The following TP53BP1 variants were observed in gnomAD, a reference collection of about 807,000 sequenced individuals.
TP53BP1 encodes the protein tumor protein p53 binding protein 1.
In TP53BP1, 61 loss-of-function variants were observed where a neutral mutation model predicts 200.8. That is an observed-to-expected ratio of 0.30 (90% confidence interval 0.25 to 0.38). The LOEUF is 0.38. Ranked by LOEUF, TP53BP1 falls within the 10% of genes least tolerant of loss-of-function variation. TP53BP1 has a pLI of 1.00. For synonymous variants in TP53BP1, 822 were observed against 844.3 expected (o/e 0.97, Z 0.46); for missense variants, 2,144 against 2,371.9 (o/e 0.90, Z 2.00).
At chr15:43,462,830 G>A (rs2046472150) in intron 11 of TP53BP1, among the ~76,000 whole-genome samples, 1 of 152,088 alleles carries the variant, frequency 6.6e-6, no homozygotes, top group South Asian at 2.1e-4. Context: ...GCCAAGGCAG[G>A]CAGATCACTT....
At chr15:43,452,901 A>G (rs2046203633) in intron 12 of TP53BP1, among the ~76,000 whole-genome samples, 2 of 152,208 alleles carry the variant, frequency 1.3e-5, no homozygotes, top group African/African-American at 4.8e-5. Context: ...CATTTAATTT[A>G]AAAGTACTCC....
Position 43,404,727 on chromosome 15 carries a change from A to C in TP53BP1, c.*2656T>G, listed in dbSNP as rs2044800553. ...TTTAATGGAGGTTATTTTCTAGTAG[A>C]AGTCATCATCATCATAAAATACTAA... is the stretch of plus-strand genomic sequence containing the variant. On this transcript the variant is annotated 3_prime_UTR_variant, in exon 28 of 28. Transcript: ENST00000382044. 3 of 693,514 alleles carry C rather than the reference A, an allele frequency of 4.3e-6. No homozygotes were observed. The highest frequency in any genetic ancestry group is 6.9e-6 in the Non-Finnish European group (3 of 431,830). 43.0% of individuals were successfully genotyped at this position (693,514 alleles called of 1,614,324 possible). A position where few individuals can be genotyped will look rare whatever the true frequency, so the allele number is the denominator to read the frequency against.
chr15:43,415,743 G>A lies in TP53BP1; in HGVS notation c.4940C>T (p.Ser1647Phe). The A allele has an allele frequency of 6.2e-7, 1 of 1,614,146 alleles. No individual in the cohort carries two copies. The highest frequency in any genetic ancestry group is 8.5e-7 in the Non-Finnish European group (1 of 1,180,000). ...NVSSPATPTA[S>F]SSSSTTPTRK... ...GGTAGGGGTTGTGCTGCTGCTACTG[G>A]AGGCAGTAGGGGTGGCTGGGGAGCT... is the stretch of plus-strand genomic sequence containing the variant. Residue 1647 changes from serine to phenylalanine, a missense_variant, in exon 23 of 28, where the codon TCC becomes TTC. Physicochemically the swap from Ser to Phe is radical, Grantham distance 155. This residue lies in a region of TP53BP1 where 334 missense variants were observed against 453.4 expected (regional missense o/e 0.74). Coordinates refer to ENST00000382044, the MANE Select transcript of TP53BP1 (RefSeq NM_001141980.3).
At chr15:43,452,996 C>T (rs1034273553) in intron 12 of TP53BP1, among the ~76,000 whole-genome samples, 4 of 151,830 alleles carry the variant, frequency 2.6e-5, no homozygotes, top group Non-Finnish European at 5.9e-5. Context: ...AGATCGAGAC[C>T]ATCCTGGCTA....
intron 7 of TP53BP1, 84 bp downstream of exon 7, chr15:43,479,313 C>T (rs45590738): frequency 7.4e-7 from 1 of 1,358,312 alleles, no homozygotes; most frequent in African/African-American, 1.5e-5. Flanking sequence ...TCAACAATTT[C>T]TAAAAATGTT....
At position 43,405,884 on chromosome 15, in the gene TP53BP1, AC is replaced by A. The variant is rs1325388799; in HGVS notation, c.*1498del. 3 of 152,258 alleles carry A rather than the reference AC, an allele frequency of 2.0e-5. No individual in the cohort carries two copies. The highest frequency in any genetic ancestry group is 7.2e-5 in the African/African-American group (3 of 41,510). 9.4% of individuals were successfully genotyped at this position (152,258 alleles called of 1,614,324 possible). ...ATGAAACCTCGATTCTACTAAAAAT[AC>A]AAAAATTAGCCAGGTGTGGTGGCAT... On this transcript the variant is annotated 3_prime_UTR_variant, in exon 28 of 28. Coordinates refer to ENST00000382044, the MANE Select transcript of TP53BP1 (RefSeq NM_001141980.3).
upstream of TP53BP1, among the ~76,000 whole-genome samples, chr15:43,496,622 CT>C (rs201302525): frequency 0.015 from 1,986 of 135,098 alleles, 27 homozygotes; most frequent in East Asian, 0.038. Flanking sequence ...TCATATATTC[CT>C]TTTTTTTTTT....
Position 43,447,546 on chromosome 15 carries a change from G to A in TP53BP1, c.2717-61C>T, listed in dbSNP as rs1477616342. On this transcript the variant is annotated intron_variant, in intron 12 of 27. Coordinates refer to ENST00000382044, the MANE Select transcript of TP53BP1 (RefSeq NM_001141980.3). Reference sequence around the variant, plus strand: ...AAAAAATGATTTAAAAAAAACAGAAGTATAAAATAAGCAAAAATAATAAGA... The same window carrying A: ...AAAAAATGATTTAAAAAAAACAGAAATATAAAATAAGCAAAAATAATAAGA... 3.7e-6 allele frequency: 5 copies of A among 1,359,386 alleles called. No homozygotes were observed. In the Admixed American group the frequency reaches 1.1e-4, roughly 30 times the overall value. 84.2% of individuals were successfully genotyped at this position (1,359,386 alleles called of 1,614,324 possible).
intron 1 of TP53BP1, among the ~76,000 whole-genome samples, chr15:43,506,776 A>T (rs2079239381): frequency 1.3e-5 from 2 of 152,218 alleles, no homozygotes; most frequent in South Asian, 4.1e-4. Context: ...TGCATATCAC[A>T]GGTCCCTAAT....
intron 14 of TP53BP1, among the ~76,000 whole-genome samples, chr15:43,442,926 A>T (rs1327777508): frequency 1.4e-5 from 2 of 145,884 alleles, no homozygotes; most frequent in Non-Finnish European, 3.0e-5. Context: ...CTCGGGTTCA[A>T]GAGATTCTGC....
intron 18 of TP53BP1, among the ~76,000 whole-genome samples, chr15:43,424,637 A>T (rs1344133877): frequency 6.6e-6 from 1 of 152,252 alleles, no homozygotes; most frequent in Non-Finnish European, 1.5e-5. Context: ...TAGGGAAAAA[A>T]CAGGTATTAC....
intron 1 of TP53BP1, among the ~76,000 whole-genome samples, chr15:43,499,510 T>C (rs1004378165): frequency 6.6e-6 from 1 of 152,242 alleles, no homozygotes; most frequent in East Asian, 1.9e-4. Context: ...ATTATTACAC[T>C]TTCCCATTCT....
At chr15:43,478,869 T>C (rs930414625) in intron 7 of TP53BP1, among the ~76,000 whole-genome samples, 20 of 151,856 alleles carry the variant, frequency 1.3e-4, no homozygotes, top group African/African-American at 4.8e-4. Context: ...AAAGGAGGAG[T>C]GGCAACCAAA....
At position 43,407,299 on chromosome 15, in the gene TP53BP1, A is replaced by AGTT; in HGVS notation, c.*81_*83dup. The AGTT allele has an allele frequency of 8.6e-7, 1 of 1,160,272 alleles. No individual in the cohort carries two copies. Among genetic ancestry groups the AGTT allele is most frequent in the Non-Finnish European group, 1.3e-6 (1 of 794,592 alleles). The allele number at this position is 1,160,272 out of a possible 1,614,324, so 71.9% of individuals were successfully genotyped here. On this transcript the variant is annotated 3_prime_UTR_variant, in exon 28 of 28. Transcript: ENST00000382044. ...TATACAAGATCCATGCAAGGAATCC[A>AGTT]GTTACACACAAGACACATTTAAAAC...
At chr15:43,502,858 C>A (rs1335518813) in intron 1 of TP53BP1, among the ~76,000 whole-genome samples, 1 of 151,924 alleles carries the variant, frequency 6.6e-6, no homozygotes, top group Non-Finnish European at 1.5e-5. Flanking sequence ...CGGGTTCAAG[C>A]GATTCTTGTA....
chr15:43,411,431 A>C (rs1027698289), intron 24 of TP53BP1, among the ~76,000 whole-genome samples: 7 of 152,264 alleles, frequency 4.6e-5, no homozygotes, highest in Admixed American at 3.9e-4. Context: ...ATATCTCATA[A>C]GATGAATTTA....
In TP53BP1 at chr15:43,421,729, G is replaced by A. The variant is rs976974224; in HGVS notation, c.4100+126C>T. 8.4e-6 allele frequency: 11 copies of A among 1,305,100 alleles called. No individual in the cohort carries two copies. In the East Asian group the frequency reaches 2.3e-4, roughly 28 times the overall value. The allele number at this position is 1,305,100 out of a possible 1,614,324, so 80.8% of individuals were successfully genotyped here. A position where few individuals can be genotyped will look rare whatever the true frequency, so the allele number is the denominator to read the frequency against. ...ACAGGAAGAGAGCAAATAGTGAAGA[G>A]GGGTAGTTGATTTATCTTTAATGGA... On this transcript the variant is annotated intron_variant, in intron 19 of 27. Coordinates refer to ENST00000382044, the MANE Select transcript of TP53BP1 (RefSeq NM_001141980.3).
In TP53BP1 at chr15:43,421,913, C is replaced by T. The variant is rs377516466; in HGVS notation, c.4042G>A (p.Gly1348Arg). 16 of 1,614,178 alleles carry T rather than the reference C, an allele frequency of 9.9e-6. No homozygotes were observed. The highest frequency in any genetic ancestry group is 1.6e-4 in the Middle Eastern group (1 of 6,062). Residue 1348 changes from glycine to arginine, a missense_variant, in exon 19 of 28, where the codon GGG becomes AGG. Gly to Arg is a moderately radical substitution (Grantham distance 125). Transcript: ENST00000382044. ...GAGPLRGKTS[G>R]TEPADFALPS... is the part of the protein sequence containing the mutation. ...AAGGCAAAATCTGCGGGTTCTGTCCCGCTGGTTTTCCCTCTGAGTGGTCCG... is the reference window on the plus strand; with the variant it reads ...AAGGCAAAATCTGCGGGTTCTGTCCTGCTGGTTTTCCCTCTGAGTGGTCCG...
intron 11 of TP53BP1, among the ~76,000 whole-genome samples, chr15:43,458,004 G>A (rs984518011): frequency 6.6e-6 from 1 of 151,844 alleles, no homozygotes; most frequent in South Asian, 2.1e-4. Flanking sequence ...GGATTACAGA[G>A]CAAGACTCCA....
Sources: allele counts gnomAD v4.1 joint callset (sites outside exome capture counted in the v4.1 genomes callset), GRCh38; gene constraint gnomAD v4.1.1; regional missense constraint gnomAD v4.1.1; transcripts MANE v1.5; gene names NCBI Gene and HGNC (gene_info 2026-07-23, HGNC 2026-07-21).